TMC1: variants seen among roughly 807,000 people sequenced by gnomAD.
The protein encoded by TMC1 is transmembrane channel-like protein 1.
Under a neutral mutation model 105.8 loss-of-function variants are expected in TMC1, and 84 were observed. The ratio of observed to expected loss-of-function variants is 0.79; its 90% CI spans 0.67 to 0.95. The LOEUF (loss-of-function observed/expected upper bound fraction) is 0.95. TMC1 is among the 40% of genes least tolerant of loss of function. TMC1 has a pLI of 0.00. For missense variants in TMC1, 817 were observed against 914.1 expected (o/e 0.89, Z 1.37); for synonymous variants, 315 against 311.5 (o/e 1.01, Z -0.12).
chr9:72,788,493 C>G lies in TMC1; in HGVS notation c.1029+10C>G, dbSNP rs1301121532. The G allele has an allele frequency of 1.2e-6, 2 of 1,613,902 alleles. No homozygotes were observed. The highest frequency in any genetic ancestry group is 2.2e-5 in the South Asian group (2 of 91,066). On this transcript the variant is annotated intron_variant, in intron 14 of 23. Coordinates refer to ENST00000297784, the MANE Select transcript of TMC1 (RefSeq NM_138691.3). ...CACAATGAACTTTAAGGTAGAGGCACCAACTTCAAAAACCTGCTGTTTGTA... is the reference window on the plus strand; with the variant it reads ...CACAATGAACTTTAAGGTAGAGGCAGCAACTTCAAAAACCTGCTGTTTGTA...
intron 4 of TMC1, among the ~76,000 whole-genome samples, chr9:72,635,145 T>C (rs1341020184): frequency 6.6e-6 from 1 of 151,644 alleles, no homozygotes; most frequent in Admixed American, 6.6e-5. Flanking sequence ...CCTAGCTACT[T>C]GGGAGACTGA....
At position 72,683,733 on chromosome 9, in the gene TMC1, T is replaced by TATATATATATATATATATA. The variant is rs1588029653; in HGVS notation, c.17-4976_17-4975insATATATATATATATATATA. On this transcript the variant is annotated intron_variant, in intron 5 of 23. Transcript: ENST00000297784. The stretch of plus-strand genomic sequence containing the variant: ...TCTGAGTTAACCTGAGTTACACATT[T>TATATATATATATATATATA]TATATATATATATATATATATATAT... 1.3e-4 allele frequency among the ~76,000 whole-genome samples: 7 copies of TATATATATATATATATATA among 53,396 alleles called. 2 individuals carry two copies. Among genetic ancestry groups the TATATATATATATATATATA allele is most frequent in the African/African-American group, 2.4e-4 (4 of 16,342 alleles). 35.0% of individuals were successfully genotyped at this position (53,396 alleles called of 152,430 possible).
chr9:72,614,119 T>A (rs1825082281), intron 2 of TMC1, among the ~76,000 whole-genome samples: 1 of 152,210 alleles, frequency 6.6e-6, no homozygotes, highest in South Asian at 2.1e-4. Flanking sequence ...AACTGATATT[T>A]CCTTTGACTA....
chr9:72,778,794 G>C (rs918485602), intron 13 of TMC1, among the ~76,000 whole-genome samples: 2 of 152,114 alleles, frequency 1.3e-5, no homozygotes, highest in Non-Finnish European at 2.9e-5. Flanking sequence ...TGCAGCACAG[G>C]CTTGGATGTC....
intron 4 of TMC1, among the ~76,000 whole-genome samples, chr9:72,632,959 A>G (rs1373750917): frequency 2.0e-5 from 3 of 152,140 alleles, no homozygotes; most frequent in Admixed American, 1.3e-4. Context: ...AAGGCAACAG[A>G]AAGATATATT....
intron 5 of TMC1, among the ~76,000 whole-genome samples, chr9:72,671,663 G>A (rs1264558925): frequency 6.6e-6 from 1 of 152,046 alleles, no homozygotes; most frequent in African/African-American, 2.4e-5. Context: ...TATACAGGAG[G>A]GGCTTGAGGG....
At chr9:72,769,801 C>T (rs575349004) in intron 12 of TMC1, among the ~76,000 whole-genome samples, 2 of 152,184 alleles carry the variant, frequency 1.3e-5, no homozygotes, top group South Asian at 4.2e-4. Flanking sequence ...GGAAATAGGG[C>T]AATGAAAAAC....
rs1225635705 is a variant in TMC1, at chr9:72,616,443, G to C, written c.-230G>C. 2 of 151,970 alleles carry C rather than the reference G, an allele frequency of 1.3e-5. No individual in the cohort carries two copies. Among genetic ancestry groups the C allele is most frequent in the African/African-American group, 2.4e-5 (1 of 41,326 alleles). 9.4% of individuals were successfully genotyped at this position (151,970 alleles called of 1,614,324 possible). On this transcript the variant is annotated 5_prime_UTR_variant, in exon 3 of 24. Coordinates refer to ENST00000297784, the MANE Select transcript of TMC1 (RefSeq NM_138691.3). The stretch of plus-strand genomic sequence containing the variant: ...CCTCGGTTTGAATCTCAGCTCTACT[G>C]TTTACTAGACATGAAATGGGGAAAT...
chr9:72,532,573 A>G (rs918247830), intron 1 of TMC1, among the ~76,000 whole-genome samples: 2 of 110,854 alleles, frequency 1.8e-5, no homozygotes, highest in Non-Finnish European at 3.6e-5. Context: ...AAAAAAAAAA[A>G]AAAAAAAAAA....
chr9:72,619,076 A>G (rs546774836), intron 3 of TMC1, among the ~76,000 whole-genome samples: 6 of 152,162 alleles, frequency 3.9e-5, no homozygotes, highest in Non-Finnish European at 7.3e-5. Flanking sequence ...CAGAACACAT[A>G]CAAAAAGTTC....
Position 72,837,858 on chromosome 9 carries a change from G to A in TMC1, c.*1885G>A, listed in dbSNP as rs181913811. 1 of 152,272 alleles carries A rather than the reference G, an allele frequency of 6.6e-6. No homozygotes were observed. The highest frequency in any genetic ancestry group is 1.9e-4 in the East Asian group (1 of 5,184). 9.4% of individuals were successfully genotyped at this position (152,272 alleles called of 1,614,324 possible). A position where few individuals can be genotyped will look rare whatever the true frequency, so the allele number is the denominator to read the frequency against. On this transcript the variant is annotated 3_prime_UTR_variant, in exon 24 of 24. Coordinates refer to ENST00000297784, the MANE Select transcript of TMC1 (RefSeq NM_138691.3). ...AGTTCTAAACTTTATTCCTCTGGTT[G>A]TCTTTTTCAGATTGACTTCCATTCT...
At chr9:72,543,836 A>G (rs1823718319) in intron 1 of TMC1, among the ~76,000 whole-genome samples, 1 of 152,098 alleles carries the variant, frequency 6.6e-6, no homozygotes, top group South Asian at 2.1e-4. Context: ...TCGTGGGCTC[A>G]AGAGATCCTC....
chr9:72,681,335 C>T (rs1300793784), intron 5 of TMC1, among the ~76,000 whole-genome samples: 1 of 151,992 alleles, frequency 6.6e-6, no homozygotes, highest in Middle Eastern at 3.2e-3. Context: ...TTTTTCATAA[C>T]CACAGAGGGC....
chr9:72,640,980 G>A (rs1458581136), intron 4 of TMC1, among the ~76,000 whole-genome samples: 3 of 152,138 alleles, frequency 2.0e-5, no homozygotes, highest in Non-Finnish European at 4.4e-5. Context: ...TTTGCTAGAT[G>A]TGTCCATCTT....
intron 8 of TMC1, among the ~76,000 whole-genome samples, chr9:72,731,884 T>C (rs1309619355): frequency 6.6e-6 from 1 of 152,206 alleles, no homozygotes; most frequent in Non-Finnish European, 1.5e-5. Context: ...CCATCTCTCA[T>C]CTCAATCTTT....
At chr9:72,672,172 C>T (rs1826134238) in intron 5 of TMC1, among the ~76,000 whole-genome samples, 1 of 152,156 alleles carries the variant, frequency 6.6e-6, no homozygotes, top group African/African-American at 2.4e-5. Context: ...TTCAGTTTTA[C>T]ACCTTTTTAG....
chr9:72,530,653 CTT>C (rs1823484160), intron 1 of TMC1, among the ~76,000 whole-genome samples: 1 of 150,436 alleles, frequency 6.6e-6, no homozygotes. Context: ...TATTTTTCAT[CTT>C]TATATCTTTG....
At chr9:72,632,511 T>G (rs1399060128) in intron 4 of TMC1, among the ~76,000 whole-genome samples, 1 of 151,990 alleles carries the variant, frequency 6.6e-6, no homozygotes, top group African/African-American at 2.4e-5. Flanking sequence ...GACGAGGGGC[T>G]GGAAAAAGAA....
intron 2 of TMC1, among the ~76,000 whole-genome samples, chr9:72,615,915 G>T (rs186313277): frequency 1.3e-3 from 203 of 152,026 alleles, no homozygotes; most frequent in Non-Finnish European, 2.4e-3. Flanking sequence ...ACCACACTCA[G>T]CTAATTTTTT....
Sources: gnomAD v4.1 joint callset for allele counts (sites outside exome capture counted in the v4.1 genomes callset) on GRCh38, gnomAD v4.1.1 for gene constraint, MANE v1.5 for transcripts, NCBI Gene and HGNC (gene_info 2026-07-23, HGNC 2026-07-21) for gene names.